SLC2A13: variants seen among roughly 807,000 people sequenced by gnomAD.
The protein encoded by SLC2A13 is solute carrier family 2 member 13, also known as proton myo-inositol cotransporter.
A neutral mutation model predicts 64.4 loss-of-function variants in SLC2A13; 32 were observed. The ratio of observed to expected loss-of-function variants is 0.50; its 90% CI spans 0.37 to 0.67. SLC2A13 has a LOEUF of 0.67. Ranked by LOEUF, SLC2A13 falls within the 30% of genes least tolerant of loss-of-function variation. The pLI is 0.00. For synonymous variants in SLC2A13, 338 were observed against 327.1 expected (o/e 1.03, Z -0.36); for missense variants, 743 against 829.2 (o/e 0.90, Z 1.28).
At chr12:39,927,368 C>T (rs1315887597) in intron 4 of SLC2A13, among the ~76,000 whole-genome samples, 1 of 152,084 alleles carries the variant, frequency 6.6e-6, no homozygotes, top group Admixed American at 6.6e-5. Flanking sequence ...ATTGGTGAGT[C>T]ATATGAAGTT....
chr12:39,770,650 T>A (rs10747877), intron 7 of SLC2A13, among the ~76,000 whole-genome samples: 2 of 152,038 alleles, frequency 1.3e-5, no homozygotes, highest in African/African-American at 2.4e-5. Flanking sequence ...ATCTGCACAC[T>A]CAATGCTTAG....
At chr12:39,900,710 C>T (rs1945073422) in intron 4 of SLC2A13, among the ~76,000 whole-genome samples, 1 of 152,144 alleles carries the variant, frequency 6.6e-6, no homozygotes, top group Admixed American at 6.5e-5. Flanking sequence ...AATGGAAGAA[C>T]ATTCCATGCT....
chr12:40,020,358 A>C (rs998622722), intron 3 of SLC2A13, among the ~76,000 whole-genome samples: 3 of 152,138 alleles, frequency 2.0e-5, no homozygotes, highest in African/African-American at 7.2e-5. Context: ...ATAGTGAGTG[A>C]GTTCTCACGA....
intron 5 of SLC2A13, 62 bp from the exon 6 acceptor site, chr12:39,864,944 G>A: frequency 1.4e-6 from 2 of 1,466,112 alleles, no homozygotes; most frequent in Admixed American, 2.2e-5. Flanking sequence ...GGCAGACTGG[G>A]TTTGGTAAAA....
intron 7 of SLC2A13, among the ~76,000 whole-genome samples, chr12:39,779,580 CTT>C (rs891251775): frequency 1.3e-5 from 2 of 152,132 alleles, no homozygotes; most frequent in African/African-American, 4.8e-5. Flanking sequence ...AATTAAAACA[CTT>C]TTTTTGCTTC....
intron 7 of SLC2A13, among the ~76,000 whole-genome samples, chr12:39,789,629 T>A (rs78946021): frequency 0.03 from 4,520 of 152,260 alleles, 221 homozygotes; most frequent in African/African-American, 0.1. Flanking sequence ...TAATACAAAC[T>A]GTGTCGTAAG....
chr12:39,987,258 CAACA>C (rs1219683388), intron 3 of SLC2A13, among the ~76,000 whole-genome samples: 1 of 152,130 alleles, frequency 6.6e-6, no homozygotes, highest in African/African-American at 2.4e-5. Context: ...ACAAATATGT[CAACA>C]AACAATGACA....
chr12:39,966,893 A>G (rs2136122861), intron 3 of SLC2A13, among the ~76,000 whole-genome samples: 2 of 152,292 alleles, frequency 1.3e-5, no homozygotes, highest in Middle Eastern at 3.4e-3. Context: ...ATCTTTGAAC[A>G]TGACACAAAT....
chr12:40,105,795 G>T lies in SLC2A13; in HGVS notation c.14C>A (p.Ala5Glu). The change falls in exon 1 of 10, where the codon GCA (alanine) becomes GAA (glutamate). Residue 5 changes from alanine to glutamate, a missense_variant. Coordinates refer to ENST00000280871, the MANE Select transcript of SLC2A13 (RefSeq NM_052885.4). The surrounding 1 kb of genome is among the most constrained non-coding windows in gnomAD (Gnocchi z 4.2). ...CAGCGTGTACTCCACATTCTCGCTT[G>T]CCTTGCGGGACATAGGGCAGGGGCC... MSRK[A>E]SENVEYTLRS... 6.7e-7 allele frequency: 1 copy of T among 1,481,606 alleles called. No homozygotes were observed. The allele number at this position is 1,481,606 out of a possible 1,614,324, so 91.8% of individuals were successfully genotyped here.
At chr12:39,785,295 G>C (rs896857375) in intron 7 of SLC2A13, among the ~76,000 whole-genome samples, 1 of 152,188 alleles carries the variant, frequency 6.6e-6, no homozygotes, top group African/African-American at 2.4e-5. Flanking sequence ...TCCAGCCACA[G>C]CTGAAAGGGG....
chr12:40,077,669 T>A (rs920795611), intron 1 of SLC2A13, among the ~76,000 whole-genome samples: 1 of 152,182 alleles, frequency 6.6e-6, no homozygotes, highest in Non-Finnish European at 1.5e-5. Context: ...TTTAGAATAG[T>A]TTTTTCTAAT....
intron 1 of SLC2A13, among the ~76,000 whole-genome samples, chr12:40,086,810 A>G (rs1225183965): frequency 6.6e-6 from 1 of 152,208 alleles, no homozygotes; most frequent in Non-Finnish European, 1.5e-5. Context: ...CCCTGGACCT[A>G]ATACTGCAGT....
At chr12:39,910,613 G>T (rs1945407310) in intron 4 of SLC2A13, among the ~76,000 whole-genome samples, 1 of 152,044 alleles carries the variant, frequency 6.6e-6, no homozygotes, top group African/African-American at 2.4e-5. Flanking sequence ...GGAACCCACA[G>T]AAAAAGTGGA....
At chr12:39,978,448 G>C (rs557081349) in intron 3 of SLC2A13, among the ~76,000 whole-genome samples, 1 of 152,218 alleles carries the variant, frequency 6.6e-6, no homozygotes, top group Non-Finnish European at 1.5e-5. Flanking sequence ...GACAGTGGGC[G>C]CAGGCCAGTG....
Position 39,835,020 on chromosome 12 carries a change from C to T in SLC2A13, c.1320-4792G>A, listed in dbSNP as rs569828442. The stretch of plus-strand genomic sequence containing the variant: ...ATTTGCTCTTTAAGCCTTTCTTGAA[C>T]GTGGCCTGATGAATTTCGGTAAGGT... On this transcript the variant is annotated intron_variant, in intron 6 of 9. Transcript: ENST00000280871. Among the ~76,000 whole-genome samples, 7 of 152,174 alleles carry T rather than the reference C, an allele frequency of 4.6e-5. No individual in the cohort carries two copies. In the South Asian group the frequency reaches 8.3e-4, roughly 18 times the overall value.
intron 3 of SLC2A13, among the ~76,000 whole-genome samples, chr12:40,012,639 CT>C (rs1368560563): frequency 2.0e-5 from 3 of 152,202 alleles, no homozygotes; most frequent in Admixed American, 1.3e-4. Flanking sequence ...GACATACATG[CT>C]TCTACCTTTT....
chr12:39,814,676 T>C (rs894306069), intron 7 of SLC2A13, among the ~76,000 whole-genome samples: 1 of 152,206 alleles, frequency 6.6e-6, no homozygotes, highest in African/African-American at 2.4e-5. Flanking sequence ...GGTTATCTCA[T>C]ACAATTACGT....
At chr12:39,778,210 G>C (rs541823748) in intron 7 of SLC2A13, among the ~76,000 whole-genome samples, 38 of 152,232 alleles carry the variant, frequency 2.5e-4, no homozygotes, top group African/African-American at 9.2e-4. Context: ...TGCATCCAAC[G>C]TACTCATTTT....
intron 7 of SLC2A13, among the ~76,000 whole-genome samples, chr12:39,807,995 C>A (rs1273733173): frequency 6.6e-6 from 1 of 152,032 alleles, no homozygotes; most frequent in African/African-American, 2.4e-5. Context: ...GTATAATATA[C>A]AAAATATAAA....
Sources: gnomAD v4.1 joint callset for allele counts (sites outside exome capture counted in the v4.1 genomes callset) on GRCh38, gnomAD v4.1.1 for gene constraint, Gnocchi (gnomAD v3.1) non-coding constraint, MANE v1.5 for transcripts, NCBI Gene and HGNC (gene_info 2026-07-23, HGNC 2026-07-21) for gene names.